Variants in MAPK10 observed in about 807,000 individuals in gnomAD.
The protein encoded by MAPK10 is mitogen-activated protein kinase 10, also known as JNK3 alpha protein kinase.
In MAPK10, 25 loss-of-function variants were observed where a neutral mutation model predicts 59.3. The observed-to-expected ratio is 0.42, with a 90% CI of 0.31 to 0.59. The LOEUF (loss-of-function observed/expected upper bound fraction) is 0.59, where lower values mean the gene tolerates loss of function less well. MAPK10 is among the 20% of genes least tolerant of loss of function. The probability of loss-of-function intolerance (pLI) is 0.15; values close to 1 mark genes in which losing one functional copy is unlikely to be tolerated. For missense variants in MAPK10, 351 were observed against 568.9 expected, an observed-to-expected ratio of 0.62 and a Z score of 3.90; for synonymous variants, 190 against 200.5, an observed-to-expected ratio of 0.95 and a Z score of 0.44.
intron 1 of MAPK10, among the ~76,000 whole-genome samples, chr4:86,463,856 A>T (rs1283330892): frequency 6.6e-6 from 1 of 152,220 alleles, no homozygotes; most frequent in Non-Finnish European, 1.5e-5. Flanking sequence ...AAGTCCATAA[A>T]GCTCAAATAA....
Position 86,010,719 on chromosome 4 carries a change from G to T in MAPK10, c.*6509C>A, listed in dbSNP as rs944645769. Reference sequence around the variant, plus strand: ...AAATATTATTTGCATTATAAAAATTGATTTTTTGGTATAATTGTTCATAGG... The same window carrying T: ...AAATATTATTTGCATTATAAAAATTTATTTTTTGGTATAATTGTTCATAGG... On this transcript the variant is annotated 3_prime_UTR_variant, in exon 14 of 14. Coordinates refer to ENST00000641462, the MANE Select transcript of MAPK10 (RefSeq NM_138982.4). The T allele has an allele frequency of 3.9e-5, 6 of 152,116 alleles. No homozygotes were observed. Among genetic ancestry groups the T allele is most frequent in the Admixed American group, 3.9e-4 (6 of 15,268 alleles). 9.4% of individuals were successfully genotyped at this position (152,116 alleles called of 1,614,324 possible). A position where few individuals can be genotyped will look rare whatever the true frequency, so the allele number is the denominator to read the frequency against.
intron 1 of MAPK10, among the ~76,000 whole-genome samples, chr4:86,504,815 G>A (rs540574679): frequency 1.3e-5 from 2 of 152,226 alleles, no homozygotes; most frequent in East Asian, 3.9e-4. Flanking sequence ...ATGACTGGCT[G>A]GGGTGAGGAA....
At chr4:86,420,881 A>G (rs891029862) in intron 1 of MAPK10, among the ~76,000 whole-genome samples, 1 of 152,154 alleles carries the variant, frequency 6.6e-6, no homozygotes, top group African/African-American at 2.4e-5. Flanking sequence ...CAGGAGTATG[A>G]GACCAGCCTG....
At chr4:86,274,765 C>T (rs1385682650) in intron 2 of MAPK10, among the ~76,000 whole-genome samples, 1 of 151,968 alleles carries the variant, frequency 6.6e-6, no homozygotes, top group Non-Finnish European at 1.5e-5. Flanking sequence ...CCCTGTTACA[C>T]ACATATCACC....
intron 1 of MAPK10, among the ~76,000 whole-genome samples, chr4:86,447,748 T>A (rs1199450870): frequency 6.6e-6 from 1 of 152,216 alleles, no homozygotes; most frequent in Non-Finnish European, 1.5e-5. Flanking sequence ...TATACTACAC[T>A]ATTATATTCC....
rs2045260433 is a variant in MAPK10, at chr4:86,059,300, G to A, written c.1110+4966C>T. 1.3e-5 allele frequency among the ~76,000 whole-genome samples: 2 copies of A among 152,124 alleles called. 1 individual carries two copies. Among genetic ancestry groups the A allele is most frequent in the South Asian group, 4.1e-4 (2 of 4,832 alleles). ...TAATAAAATAGCTTAATATAGCCAGGTTAACTTGTTTCTATAAATTCTTTC... is the reference window on the plus strand; with the variant it reads ...TAATAAAATAGCTTAATATAGCCAGATTAACTTGTTTCTATAAATTCTTTC... On this transcript the variant is annotated intron_variant, in intron 11 of 13. Coordinates refer to ENST00000641462, the MANE Select transcript of MAPK10 (RefSeq NM_138982.4).
At chr4:86,435,441 G>A (rs1026615359) in intron 1 of MAPK10, among the ~76,000 whole-genome samples, 1 of 150,188 alleles carries the variant, frequency 6.7e-6, no homozygotes, top group East Asian at 2.0e-4. Context: ...AGGTTGCAGT[G>A]AGCCGAGATC....
At chr4:86,576,414 C>T (rs1274816434) in intron 1 of MAPK10, among the ~76,000 whole-genome samples, 1 of 151,988 alleles carries the variant, frequency 6.6e-6, no homozygotes, top group African/African-American at 2.4e-5. Context: ...TAGTTAATAG[C>T]GTTATAATGC....
chr4:86,081,796 C>CT (rs1485578829), intron 9 of MAPK10: 1 of 151,836 alleles, frequency 6.6e-6, no homozygotes, highest in African/African-American at 2.4e-5. Flanking sequence ...ATGTGTATGC[C>CT]TATGACCCCT....
intron 11 of MAPK10, among the ~76,000 whole-genome samples, chr4:86,045,188 A>G (rs1406179655): frequency 6.6e-6 from 1 of 152,074 alleles, no homozygotes; most frequent in African/African-American, 2.4e-5. Flanking sequence ...TTTATTTATT[A>G]GCTCTACACC....
Position 86,011,587 on chromosome 4 carries a change from C to G in MAPK10, c.*5641G>C, listed in dbSNP as rs1425944020. Reference sequence around the variant, plus strand: ...GGAATGCACCAATAACTCCTTCTGACTCTTTAAGAGCAATCATCTTGTGGA... The same window carrying G: ...GGAATGCACCAATAACTCCTTCTGAGTCTTTAAGAGCAATCATCTTGTGGA... On this transcript the variant is annotated 3_prime_UTR_variant, in exon 14 of 14. Transcript: ENST00000641462. 6.6e-6 allele frequency: 1 copy of G among 152,166 alleles called. No homozygotes were observed. The highest frequency in any genetic ancestry group is 2.4e-5 in the African/African-American group (1 of 41,440). The allele number at this position is 152,166 out of a possible 1,614,324, so 9.4% of individuals were successfully genotyped here. A position where few individuals can be genotyped will look rare whatever the true frequency, so the allele number is the denominator to read the frequency against.
intron 2 of MAPK10, among the ~76,000 whole-genome samples, chr4:86,239,789 C>CAA (rs796334122): frequency 2.1e-3 from 268 of 130,228 alleles, no homozygotes; most frequent in Admixed American, 6.0e-3. Flanking sequence ...TTAATTTTTT[C>CAA]AAAAAAAAAA....
At chr4:86,545,374 A>T (rs1246254326) in intron 1 of MAPK10, among the ~76,000 whole-genome samples, 5 of 152,138 alleles carry the variant, frequency 3.3e-5, no homozygotes, top group African/African-American at 4.8e-5. Flanking sequence ...CAGAATAAAG[A>T]CGGCATTTTA....
At chr4:86,150,513 A>T (rs2066140375) in intron 4 of MAPK10, among the ~76,000 whole-genome samples, 2 of 152,212 alleles carry the variant, frequency 1.3e-5, no homozygotes, top group Non-Finnish European at 2.9e-5. Context: ...GCCACTTAGG[A>T]GGTCAATGGT....
intron 1 of MAPK10, among the ~76,000 whole-genome samples, chr4:86,425,949 C>T (rs1050862801): frequency 2.6e-5 from 4 of 152,070 alleles, no homozygotes; most frequent in Admixed American, 1.3e-4. Context: ...CCAGCCTGGG[C>T]GACAGAGAGA....
intron 11 of MAPK10, among the ~76,000 whole-genome samples, chr4:86,051,289 A>G (rs1187085067): frequency 6.6e-6 from 1 of 152,064 alleles, no homozygotes; most frequent in Non-Finnish European, 1.5e-5. Context: ...AGGGAGTGTA[A>G]CCTTTTCAAT....
intron 9 of MAPK10, among the ~76,000 whole-genome samples, chr4:86,094,788 T>C (rs1018824116): frequency 6.6e-6 from 1 of 151,786 alleles, no homozygotes; most frequent in Non-Finnish European, 1.5e-5. Context: ...TGAGTGAAGC[T>C]AAAGTCACTG....
intron 1 of MAPK10, among the ~76,000 whole-genome samples, chr4:86,365,188 C>A (rs1182059288): frequency 6.6e-6 from 1 of 151,848 alleles, no homozygotes; most frequent in East Asian, 1.9e-4. Context: ...TCCCAACACT[C>A]TGGGAGGCCC....
chr4:86,139,297 A>C (rs1035051928), intron 4 of MAPK10, among the ~76,000 whole-genome samples: 2 of 150,258 alleles, frequency 1.3e-5, no homozygotes, highest in African/African-American at 5.0e-5. Context: ...ACAAGGCTAC[A>C]GTAACCAAAA....
Sources: allele counts gnomAD v4.1 joint callset (sites outside exome capture counted in the v4.1 genomes callset), GRCh38; gene constraint gnomAD v4.1.1; transcripts MANE v1.5; gene names NCBI Gene and HGNC (gene_info 2026-07-23, HGNC 2026-07-21).